Variants in ZBTB49 observed in about 807,000 individuals in gnomAD.
The protein encoded by ZBTB49 is zinc finger and BTB domain-containing protein 49.
Under a neutral mutation model 57.5 loss-of-function variants are expected in ZBTB49, and 43 were observed. The observed-to-expected ratio is 0.75, with a 90% CI of 0.59 to 0.97. ZBTB49 has a LOEUF of 0.97. ZBTB49 is among the 50% of genes least tolerant of loss of function. ZBTB49 has a pLI of 0.00. For synonymous variants in ZBTB49, 369 were observed against 362.1 expected (o/e 1.02, Z -0.22); for missense variants, 938 against 947.7 (o/e 0.99, Z 0.13).
At chr4:4,299,395 T>C (rs748901756) in intron 1 of ZBTB49, among the ~76,000 whole-genome samples, 1 of 151,052 alleles carries the variant, frequency 6.6e-6, no homozygotes, top group Non-Finnish European at 1.5e-5. Flanking sequence ...CAAAATAGGC[T>C]CCTAATTTCC....
In ZBTB49 at chr4:4,300,351, T is replaced by G. The variant is rs937097909; in HGVS notation, c.152+254T>G. ...TTGGGATGATTGAAAGTATTTTGGT[T>G]GTTTGTCTTTCATTTTACTAATTCT... On this transcript the variant is annotated intron_variant, in intron 2 of 7. Transcript: ENST00000337872. Among the ~76,000 whole-genome samples, 3 of 152,196 alleles carry G rather than the reference T, an allele frequency of 2.0e-5. No individual in the cohort carries two copies. The East Asian group carries it at 5.8e-4, about 29-fold the overall frequency.
chr4:4,310,674 T>A, intron 4 of ZBTB49, among the ~76,000 whole-genome samples: 1 of 104,890 alleles, frequency 9.5e-6, no homozygotes, highest in East Asian at 2.7e-4. Context: ...CATGCCTGGC[T>A]AATTTTTTTT....
intron 7 of ZBTB49, among the ~76,000 whole-genome samples, chr4:4,318,991 G>A (rs1406228957): frequency 2.0e-5 from 3 of 148,920 alleles, no homozygotes; most frequent in Non-Finnish European, 4.4e-5. Context: ...CCTGGACACA[G>A]GCAGTCCTCT....
At position 4,299,803 on chromosome 4, in the gene ZBTB49, G is replaced by T. The variant is rs1001142612; in HGVS notation, c.-19-124G>T. On this transcript the variant is annotated intron_variant, in intron 1 of 7. Transcript: ENST00000337872. ...TGTGTGTGTGTGTGTGTGTGTGTGT[G>T]TGTGTGTGAGAGAGAAACTGTGATG... The T allele has an allele frequency of 4.6e-4, 344 of 742,542 alleles. 2 individuals carry two copies. The African/African-American group carries it at 4.9e-3, about 11-fold the overall frequency. The allele number at this position is 742,542 out of a possible 1,614,324, so 46.0% of individuals were successfully genotyped here. A position where few individuals can be genotyped will look rare whatever the true frequency, so the allele number is the denominator to read the frequency against.
intron 4 of ZBTB49, among the ~76,000 whole-genome samples, chr4:4,310,148 G>A (rs927438087): frequency 1.3e-5 from 2 of 152,158 alleles, no homozygotes; most frequent in Non-Finnish European, 2.9e-5. Context: ...ATTGCTGAAG[G>A]CAGATGTTAA....
Position 4,305,817 on chromosome 4 carries a change from G to C in ZBTB49, c.1256-321G>C, listed in dbSNP as rs375168667. The stretch of plus-strand genomic sequence containing the variant: ...AAGAATAGGTGAGCGGGATCGTGCT[G>C]TTCAGCAGGAAAACTCAACCACAGG... On this transcript the variant is annotated intron_variant, in intron 3 of 7. Transcript: ENST00000337872. 1.6e-3 allele frequency among the ~76,000 whole-genome samples: 245 copies of C among 152,328 alleles called. 1 individual carries two copies. Among genetic ancestry groups the C allele is most frequent in the Middle Eastern group, 6.8e-3 (2 of 294 alleles).
chr4:4,295,868 G>A (rs1560104335), intron 1 of ZBTB49, among the ~76,000 whole-genome samples: 1 of 152,212 alleles, frequency 6.6e-6, no homozygotes, highest in Admixed American at 6.5e-5. Flanking sequence ...TAGGTGAGGT[G>A]ATGGGGGATG....
At position 4,297,773 on chromosome 4, in the gene ZBTB49, C is replaced by CA. The variant is rs554296344; in HGVS notation, c.-19-2136dup. ...TGGGTGGCAGAGCTAGATCCTGTTT[C>CA]AAAAAAAAAAAAAAAAAAGAATGGT... On this transcript the variant is annotated intron_variant, in intron 1 of 7. Coordinates refer to ENST00000337872, the MANE Select transcript of ZBTB49 (RefSeq NM_145291.4). Among the ~76,000 whole-genome samples, 426 of 115,646 alleles carry CA rather than the reference C, an allele frequency of 3.7e-3. 13 individuals are homozygous for CA. The highest frequency in any genetic ancestry group is 6.6e-3 in the African/African-American group (191 of 28,722). The allele number at this position is 115,646 out of a possible 152,430, so 75.9% of individuals were successfully genotyped here. A position where few individuals can be genotyped will look rare whatever the true frequency, so the allele number is the denominator to read the frequency against.
chr4:4,302,863 A>G lies in ZBTB49; in HGVS notation c.1027A>G (p.Asn343Asp). Residue 343 changes from asparagine to aspartate, a missense_variant, in exon 3 of 8, where the codon AAT becomes GAT. By Grantham distance (23) the Asn-to-Asp change is conservative. Transcript: ENST00000337872. The stretch of plus-strand genomic sequence containing the variant: ...AAAGAGGTTGGAATCTGCTAGTAAA[A>G]ATACCCTAGAGAAAGCTAGCAGCCA... ...LTKRLESASKNTLEKASSQSA... is the reference protein window; with the variant it reads ...LTKRLESASKDTLEKASSQSA... 1 of 1,613,810 alleles carries G rather than the reference A, an allele frequency of 6.2e-7. No individual in the cohort carries two copies. The highest frequency in any genetic ancestry group is 1.7e-5 in the Admixed American group (1 of 59,988).
intron 1 of ZBTB49, among the ~76,000 whole-genome samples, chr4:4,298,856 T>C (rs1044494450): frequency 2.0e-5 from 3 of 152,244 alleles, no homozygotes; most frequent in African/African-American, 7.2e-5. Flanking sequence ...CTGGCCTGTG[T>C]ATACCAGTGT....
rs1380960542 is a variant in ZBTB49 at position 4,299,933 on chromosome 4, T to C, written c.-13T>C. On this transcript the variant is annotated 5_prime_UTR_variant, in exon 2 of 8. Coordinates refer to ENST00000337872, the MANE Select transcript of ZBTB49 (RefSeq NM_145291.4). Reference sequence around the variant, plus strand: ...CTGTGATTTTTTGCTGTAGGTCACCTGAATGGTTGAGCATGGACCCTGTTG... The same window carrying C: ...CTGTGATTTTTTGCTGTAGGTCACCCGAATGGTTGAGCATGGACCCTGTTG... The C allele has an allele frequency of 1.9e-6, 3 of 1,613,356 alleles. No homozygotes were observed. The African/African-American group carries it at 4.0e-5, about 22-fold the overall frequency.
In ZBTB49 at chr4:4,313,212, C is replaced by T. The variant is rs1454885277; in HGVS notation, c.1376+98C>T. On this transcript the variant is annotated intron_variant, in intron 5 of 7. Coordinates refer to ENST00000337872, the MANE Select transcript of ZBTB49 (RefSeq NM_145291.4). ...TCTGAAGTGGTGGCTCACAGATGAG[C>T]CACAGGTGGGCTCACCCTGCCACTG... 4 of 1,417,980 alleles carry T rather than the reference C, an allele frequency of 2.8e-6. No individual in the cohort carries two copies. In the Admixed American group the frequency reaches 8.2e-5, roughly 29 times the overall value. 87.8% of individuals were successfully genotyped at this position (1,417,980 alleles called of 1,614,324 possible). A position where few individuals can be genotyped will look rare whatever the true frequency, so the allele number is the denominator to read the frequency against.
intron 5 of ZBTB49, among the ~76,000 whole-genome samples, chr4:4,314,797 T>C (rs1450562859): frequency 1.3e-5 from 2 of 152,276 alleles, no homozygotes; most frequent in African/African-American, 2.4e-5. Flanking sequence ...GTTGGAATTA[T>C]TGTCTAAGGC....
At chr4:4,308,853 A>G (rs189499834) in intron 4 of ZBTB49, among the ~76,000 whole-genome samples, 316 of 152,338 alleles carry the variant, frequency 2.1e-3, no homozygotes, top group African/African-American at 7.1e-3. Flanking sequence ...AGTCCTTTCT[A>G]CCTGAAAGGT....
intron 3 of ZBTB49, among the ~76,000 whole-genome samples, chr4:4,304,809 T>A (rs1241158062): frequency 6.6e-6 from 1 of 152,226 alleles, no homozygotes; most frequent in Admixed American, 6.5e-5. Flanking sequence ...TGATGTGTGA[T>A]GAAGTCCTCA....
rs148456390 is a variant in ZBTB49 at position 4,303,726 on chromosome 4, T to TTCTCTC, written c.1255+665_1255+670dup. ...TTTCCCAAAAGATTTTTTTAAGGTATTCTCTCTCTCTCTCTCTCTCTCTCT... is the reference window on the plus strand; with the variant it reads ...TTTCCCAAAAGATTTTTTTAAGGTATTCTCTCTCTCTCTCTCTCTCTCTCTCTCTCT... On this transcript the variant is annotated intron_variant, in intron 3 of 7. Coordinates refer to ENST00000337872, the MANE Select transcript of ZBTB49 (RefSeq NM_145291.4). Among the ~76,000 whole-genome samples, 379 of 121,804 alleles carry TTCTCTC rather than the reference T, an allele frequency of 3.1e-3. 4 individuals carry two copies. The highest frequency in any genetic ancestry group is 0.019 in the Middle Eastern group (4 of 214). 79.9% of individuals were successfully genotyped at this position (121,804 alleles called of 152,430 possible). A position where few individuals can be genotyped will look rare whatever the true frequency, so the allele number is the denominator to read the frequency against.
intron 4 of ZBTB49, among the ~76,000 whole-genome samples, chr4:4,309,454 A>G (rs1393811610): frequency 6.6e-6 from 1 of 152,214 alleles, no homozygotes; most frequent in Non-Finnish European, 1.5e-5. Flanking sequence ...AAAGAGTGAC[A>G]AGTTTTGAGC....
At position 4,302,757 on chromosome 4, in the gene ZBTB49, T is replaced by A. The variant is rs773389125; in HGVS notation, c.921T>A (p.Ile307=). The A allele has an allele frequency of 5.6e-6, 9 of 1,614,010 alleles. No homozygotes were observed. The East Asian group carries it at 6.7e-5, about 12-fold the overall frequency. Residue 307 remains isoleucine (I), a synonymous_variant, in exon 3 of 8, where the codon ATT becomes ATA. Transcript: ENST00000337872. ...PVKQMRLKKA[I]HLKKLNFLKS... ...AGCAGATGAGGCTCAAAAAGGCCAT[T>A]CATCTGAAGAAGCTCAATTTCCTGA...
chr4:4,297,270 A>G (rs1391200960), intron 1 of ZBTB49, among the ~76,000 whole-genome samples: 5 of 152,208 alleles, frequency 3.3e-5, no homozygotes, highest in South Asian at 4.1e-4. Flanking sequence ...GGGTTTCACC[A>G]TGTTGGCCAG....
Sources: allele counts gnomAD v4.1 joint callset (sites outside exome capture counted in the v4.1 genomes callset), GRCh38; gene constraint gnomAD v4.1.1; transcripts MANE v1.5; gene names NCBI Gene and HGNC (gene_info 2026-07-23, HGNC 2026-07-21).